Variants in MAP3K19 observed in about 807,000 individuals in gnomAD.
The protein encoded by MAP3K19 is mitogen-activated protein kinase kinase kinase 19.
MAP3K19 carries 91 observed loss-of-function variants against 114.4 expected under a neutral mutation model. The ratio of observed to expected loss-of-function variants is 0.80; its 90% confidence interval spans 0.67 to 0.95. The LOEUF (loss-of-function observed/expected upper bound fraction) is 0.95, where lower values mean the gene tolerates loss of function less well. Ranked by LOEUF, MAP3K19 falls within the 40% of genes least tolerant of loss-of-function variation. The pLI, the probability that MAP3K19 is intolerant of heterozygous loss-of-function variation, is 0.00. For synonymous variants in MAP3K19, 518 were observed against 530.5 expected, an observed-to-expected ratio of 0.98 and a Z score of 0.32; for missense variants, 1,471 against 1,573.2, an observed-to-expected ratio of 0.94 and a Z score of 1.10.
chr2:134,990,858 T>G (rs1180269065), intron 9 of MAP3K19, among the ~76,000 whole-genome samples: 1 of 152,194 alleles, frequency 6.6e-6, no homozygotes, highest in Non-Finnish European at 1.5e-5. Flanking sequence ...AAAATGTGTG[T>G]GTTAATCAAC....
chr2:135,027,057 G>A (rs1017039609), intron 3 of MAP3K19, among the ~76,000 whole-genome samples: 3 of 152,096 alleles, frequency 2.0e-5, no homozygotes, highest in African/African-American at 7.2e-5. Flanking sequence ...ACCAGCATGG[G>A]CAATATAGTG....
intron 1 of MAP3K19, among the ~76,000 whole-genome samples, chr2:135,041,693 TTC>T (rs1193575491): frequency 1.3e-5 from 2 of 152,332 alleles, no homozygotes; most frequent in African/African-American, 4.8e-5. Flanking sequence ...CAACTTCTGC[TTC>T]TGACACTACA....
At chr2:135,009,118 A>ATT (rs59038927) in intron 5 of MAP3K19, among the ~76,000 whole-genome samples, 17 of 136,738 alleles carry the variant, frequency 1.2e-4, no homozygotes, top group East Asian at 1.0e-3. Context: ...TGCCTGGCTA[A>ATT]TTTTTTTTTT....
In MAP3K19 at chr2:135,026,035, A is replaced by T. The variant is rs534135637; in HGVS notation, c.-94-1294T>A. 9.2e-5 allele frequency among the ~76,000 whole-genome samples: 14 copies of T among 152,328 alleles called. 1 individual carries two copies. The highest frequency in any genetic ancestry group is 6.8e-3 in the Middle Eastern group (2 of 294). ...CTATGGGACAGGGTAATGTGTCATGAGCCACAGTAATATTCTCTTATGGAC... is the reference window on the plus strand; with the variant it reads ...CTATGGGACAGGGTAATGTGTCATGTGCCACAGTAATATTCTCTTATGGAC... On this transcript the variant is annotated intron_variant, in intron 3 of 12. Coordinates refer to ENST00000392915, the MANE Select transcript of MAP3K19 (RefSeq NM_025052.5).
At chr2:135,026,635 C>A (rs10928530) in intron 3 of MAP3K19, among the ~76,000 whole-genome samples, 9,195 of 152,030 alleles carry the variant, frequency 0.06, 540 homozygotes, top group African/African-American at 0.16. Flanking sequence ...TGCTTATTAA[C>A]CCTCTTATTT....
chr2:135,003,509 T>C (rs561895770), intron 6 of MAP3K19, among the ~76,000 whole-genome samples: 1 of 151,834 alleles, frequency 6.6e-6, no homozygotes, highest in South Asian at 2.1e-4. Context: ...TTCTAGTCTA[T>C]AAGATTTGTG....
At chr2:134,979,849 G>A (rs1286684344) in intron 12 of MAP3K19, among the ~76,000 whole-genome samples, 3 of 152,118 alleles carry the variant, frequency 2.0e-5, no homozygotes, top group Non-Finnish European at 2.9e-5. Flanking sequence ...GAGAGACAGA[G>A]ACTGAAAGAG....
At chr2:135,000,275 G>T (rs1686346734) in intron 6 of MAP3K19, among the ~76,000 whole-genome samples, 1 of 152,204 alleles carries the variant, frequency 6.6e-6, no homozygotes, top group Non-Finnish European at 1.5e-5. Flanking sequence ...AAACTATGTT[G>T]TCCTCAGGAT....
chr2:135,005,564 T>C (rs1686754473), intron 5 of MAP3K19, 33 bp from the exon 6 acceptor site: 1 of 1,532,032 alleles, frequency 6.5e-7, no homozygotes, highest in Non-Finnish European at 9.0e-7. Context: ...ACTCAGTTAT[T>C]AGTTATTCGA....
chr2:134,987,434 T>C lies in MAP3K19; in HGVS notation c.1438A>G (p.Arg480Gly). The change falls in exon 10 of 13, where the codon AGG (arginine) becomes GGG (glycine). Residue 480 changes from arginine (R) to glycine (G), a missense_variant. Transcript: ENST00000392915. ...GTGATGTGGATAAGAGGCACCATCC[T>C]ACTCATTTCTGGTTTGGCTCTTTCT... ...IAERAKPEMS[R>G]MVPLIHITFP... is the part of the protein sequence containing the mutation. 1.9e-6 allele frequency: 3 copies of C among 1,614,228 alleles called. No homozygotes were observed. The highest frequency in any genetic ancestry group is 2.5e-6 in the Non-Finnish European group (3 of 1,180,048).
At chr2:135,009,550 T>TA in intron 5 of MAP3K19, among the ~76,000 whole-genome samples, 1 of 152,302 alleles carries the variant, frequency 6.6e-6, no homozygotes, top group East Asian at 1.9e-4. Context: ...TTGGAAGTGT[T>TA]AGTCATACAG....
In MAP3K19 at chr2:135,021,755, T is replaced by C; in HGVS notation, c.98A>G (p.Lys33Arg). Residue 33 changes from lysine (K) to arginine (R), a missense_variant, in exon 5 of 13, where the codon AAA becomes AGA. Coordinates refer to ENST00000392915, the MANE Select transcript of MAP3K19 (RefSeq NM_025052.5). The part of the protein sequence containing the change: ...SSPTDLMTVT[K>R]NQNIILQSIS... The stretch of plus-strand genomic sequence containing the variant: ...GCTTTGCAAGATGATGTTTTGATTT[T>C]TGGTAACTGTCATCAAATCAGTTGG... The C allele has an allele frequency of 6.2e-7, 1 of 1,612,950 alleles. No individual in the cohort carries two copies. The highest frequency in any genetic ancestry group is 8.5e-7 in the Non-Finnish European group (1 of 1,179,560).
rs140582724 is a variant in MAP3K19 at position 135,016,456 on chromosome 2, T to G, written c.138+5259A>C. Among the ~76,000 whole-genome samples, 257 of 152,310 alleles carry G rather than the reference T, an allele frequency of 1.7e-3. 2 individuals are homozygous for G. In the Middle Eastern group the frequency reaches 0.037, roughly 22 times the overall value. ...TCTAGTAGTGTAAATCTTCCTACTT[T>G]GTTCTTCTTCAATATTGCCCTCAGT... On this transcript the variant is annotated intron_variant, in intron 5 of 12. Transcript: ENST00000392915.
chr2:134,993,079 T>C lies in MAP3K19; in HGVS notation c.575-1499A>G, dbSNP rs1178199225. 2.6e-5 allele frequency among the ~76,000 whole-genome samples: 4 copies of C among 152,190 alleles called. No individual in the cohort carries two copies. The South Asian group carries it at 8.3e-4, about 32-fold the overall frequency. On this transcript the variant is annotated intron_variant, in intron 8 of 12. Coordinates refer to ENST00000392915, the MANE Select transcript of MAP3K19 (RefSeq NM_025052.5). The stretch of plus-strand genomic sequence containing the variant: ...TTTGTATAGACAGGGTCTTACTGTA[T>C]TGCCCAGGCTGGTCTCAAACTCCTA...
At chr2:134,989,569 A>AT (rs1685412532) in intron 9 of MAP3K19, among the ~76,000 whole-genome samples, 1 of 152,206 alleles carries the variant, frequency 6.6e-6, no homozygotes, top group Non-Finnish European at 1.5e-5. Context: ...AGCCATTACA[A>AT]TTTTTTAGGT....
At chr2:135,015,194 C>T (rs1039408760) in intron 5 of MAP3K19, among the ~76,000 whole-genome samples, 1 of 152,220 alleles carries the variant, frequency 6.6e-6, no homozygotes, top group Non-Finnish European at 1.5e-5. Flanking sequence ...GCCCTACATC[C>T]TTGTCAACAC....
intron 9 of MAP3K19, among the ~76,000 whole-genome samples, chr2:134,989,325 A>G (rs1012483586): frequency 1.3e-5 from 2 of 152,198 alleles, no homozygotes; most frequent in Admixed American, 6.5e-5. Context: ...CACAATATTT[A>G]TAGGCATGGG....
At chr2:134,972,920 T>C (rs1024204739) in intron 12 of MAP3K19, among the ~76,000 whole-genome samples, 3 of 152,244 alleles carry the variant, frequency 2.0e-5, no homozygotes, top group African/African-American at 7.2e-5. Flanking sequence ...GTTGTTTAGT[T>C]TCCATGTATT....
intron 1 of MAP3K19, among the ~76,000 whole-genome samples, chr2:135,046,774 AATCTC>A (rs1688754806): frequency 6.6e-6 from 1 of 152,236 alleles, no homozygotes; most frequent in Non-Finnish European, 1.5e-5. Context: ...AAGCAACAGA[AATCTC>A]ATTTCATGTT....
Sources: gnomAD v4.1 joint callset for allele counts (sites outside exome capture counted in the v4.1 genomes callset) on GRCh38, gnomAD v4.1.1 for gene constraint, MANE v1.5 for transcripts, NCBI Gene and HGNC (gene_info 2026-07-23, HGNC 2026-07-21) for gene names.